The following UBAC2 variants were observed in gnomAD, a reference collection of about 807,000 sequenced individuals.
UBAC2 encodes the protein ubiquitin-associated domain-containing protein 2.
UBAC2 carries 26 observed loss-of-function variants against 44.0 expected under a neutral mutation model. The ratio of observed to expected loss-of-function variants is 0.59; its 90% CI spans 0.43 to 0.82. The LOEUF is 0.82. UBAC2 is among the 40% of genes least tolerant of loss of function. UBAC2 has a pLI of 0.00. For missense variants in UBAC2, 329 were observed against 419.4 expected, an observed-to-expected ratio of 0.78 and a Z score of 1.88; for synonymous variants, 155 against 154.3, an observed-to-expected ratio of 1.00 and a Z score of -0.04.
intron 1 of UBAC2, among the ~76,000 whole-genome samples, chr13:99,225,525 T>G (rs897015105): frequency 6.6e-6 from 1 of 152,276 alleles, no homozygotes; most frequent in Non-Finnish European, 1.5e-5. Context: ...ATTATATGTG[T>G]ATGCCACATT....
chr13:99,274,302 G>C (rs1325782351), intron 4 of UBAC2, among the ~76,000 whole-genome samples: 2 of 151,240 alleles, frequency 1.3e-5, no homozygotes, highest in Non-Finnish European at 2.9e-5. Flanking sequence ...ATAGTATTTT[G>C]GTGTGTGAAT....
intron 4 of UBAC2, chr13:99,258,418 C>T (rs966307447): frequency 6.6e-6 from 1 of 152,162 alleles, no homozygotes; most frequent in Non-Finnish European, 1.5e-5. Context: ...GGCTTTTTCA[C>T]CTTATGACTT....
chr13:99,302,153 A>G (rs571735348), intron 4 of UBAC2, among the ~76,000 whole-genome samples: 9 of 152,312 alleles, frequency 5.9e-5, no homozygotes, highest in African/African-American at 2.2e-4. Flanking sequence ...TTTCAAAAAC[A>G]GCCAGGGGAG....
intron 4 of UBAC2, among the ~76,000 whole-genome samples, chr13:99,253,805 C>G (rs1018786653): frequency 6.6e-6 from 1 of 152,200 alleles, no homozygotes; most frequent in Admixed American, 6.5e-5. Flanking sequence ...TGAGCCACCA[C>G]GCCCAGCCAG....
intron 1 of UBAC2, among the ~76,000 whole-genome samples, chr13:99,232,934 C>A (rs2043192294): frequency 6.6e-6 from 1 of 151,752 alleles, no homozygotes; most frequent in Non-Finnish European, 1.5e-5. Context: ...ACAAGGAGAC[C>A]CTGTCTCAAA....
At chr13:99,329,697 C>T (rs2044688212) in intron 6 of UBAC2, among the ~76,000 whole-genome samples, 1 of 152,214 alleles carries the variant, frequency 6.6e-6, no homozygotes, top group Admixed American at 6.5e-5. Context: ...ACAGTCAGCA[C>T]TAACTTGCTA....
At chr13:99,211,791 A>G (rs1159689343) in intron 1 of UBAC2, among the ~76,000 whole-genome samples, 3 of 152,210 alleles carry the variant, frequency 2.0e-5, no homozygotes, top group Admixed American at 2.0e-4. Context: ...GGATCGTCTC[A>G]GGCGAGTGAT....
chr13:99,228,163 TTG>T (rs2043132049), intron 1 of UBAC2, among the ~76,000 whole-genome samples: 1 of 152,214 alleles, frequency 6.6e-6, no homozygotes, highest in Non-Finnish European at 1.5e-5. Flanking sequence ...AAGCTGCCCG[TTG>T]CACTTACATC....
intron 4 of UBAC2, among the ~76,000 whole-genome samples, chr13:99,269,079 T>G (rs1392967640): frequency 6.6e-6 from 1 of 152,128 alleles, no homozygotes; most frequent in African/African-American, 2.4e-5. Flanking sequence ...ACTCACTGTC[T>G]CAAGATGAGG....
At chr13:99,256,723 A>AC (rs1594056934) in intron 4 of UBAC2, among the ~76,000 whole-genome samples, 1 of 150,840 alleles carries the variant, frequency 6.6e-6, no homozygotes, top group Admixed American at 6.6e-5. Flanking sequence ...AAAAAAAAAA[A>AC]CCGTCCATTT....
At chr13:99,323,322 C>T (rs2044594165) in intron 6 of UBAC2, among the ~76,000 whole-genome samples, 1 of 152,088 alleles carries the variant, frequency 6.6e-6, no homozygotes, top group Non-Finnish European at 1.5e-5. Context: ...CAAGGCTAAC[C>T]AGATACAGTG....
intron 1 of UBAC2, among the ~76,000 whole-genome samples, chr13:99,205,540 T>G (rs1418159565): frequency 6.6e-6 from 1 of 152,184 alleles, no homozygotes; most frequent in African/African-American, 2.4e-5. Context: ...AAACCTGTTA[T>G]TTTTTGTTTT....
chr13:99,350,221 T>C (rs2138854717), intron 7 of UBAC2, among the ~76,000 whole-genome samples: 1 of 152,384 alleles, frequency 6.6e-6, no homozygotes, highest in East Asian at 1.9e-4. Context: ...CTATTTTCTT[T>C]TTTATACTGA....
chr13:99,234,362 G>T (rs752555976), intron 1 of UBAC2: 6 of 321,490 alleles, frequency 1.9e-5, no homozygotes, highest in Non-Finnish European at 3.3e-5. Context: ...TAATTTTTTT[G>T]TATTTTTAGT....
chr13:99,324,186 A>G (rs1337253353), intron 6 of UBAC2, among the ~76,000 whole-genome samples: 1 of 152,190 alleles, frequency 6.6e-6, no homozygotes, highest in South Asian at 2.1e-4. Flanking sequence ...TAGATTTTTT[A>G]CTCTAGTATT....
At chr13:99,356,287 G>T in intron 7 of UBAC2, 2 of 486,272 alleles carry the variant, frequency 4.1e-6, no homozygotes, top group Admixed American at 3.9e-5. Context: ...GACCCTTTTA[G>T]CCCCTGCATG....
At chr13:99,280,834 TC>T (rs1566483188) in intron 4 of UBAC2, among the ~76,000 whole-genome samples, 34 of 85,592 alleles carry the variant, frequency 4.0e-4, no homozygotes, top group Admixed American at 3.2e-3. Context: ...TCTTTCCCTC[TC>T]TCTCTCTCTC....
intron 4 of UBAC2, among the ~76,000 whole-genome samples, chr13:99,257,800 T>A (rs187114824): frequency 1.3e-5 from 2 of 152,342 alleles, no homozygotes; most frequent in East Asian, 3.8e-4. Flanking sequence ...AAACATTTTC[T>A]TTCCTTAAGT....
At chr13:99,371,212 G>C (rs1289037061) in intron 8 of UBAC2, among the ~76,000 whole-genome samples, 1 of 151,844 alleles carries the variant, frequency 6.6e-6, no homozygotes, top group Non-Finnish European at 1.5e-5. Flanking sequence ...TGACAACAGC[G>C]AGGTTACTTC....
Sources: allele counts gnomAD v4.1 joint callset (sites outside exome capture counted in the v4.1 genomes callset), GRCh38; gene constraint gnomAD v4.1.1; transcripts MANE v1.5; gene names NCBI Gene and HGNC (gene_info 2026-07-23, HGNC 2026-07-21).